RARB: variants seen among roughly 807,000 people sequenced by gnomAD.
RARB encodes the protein retinoic acid receptor beta, also known as HBV-activated protein.
RARB carries 17 observed loss-of-function variants against 51.9 expected under a neutral mutation model. That is an observed-to-expected ratio of 0.33 (90% CI 0.22 to 0.49). The LOEUF (loss-of-function observed/expected upper bound fraction) is 0.49. Ranked by LOEUF, RARB falls within the 20% of genes least tolerant of loss-of-function variation. The pLI is 0.99. For missense variants in RARB, 369 were observed against 550.8 expected (o/e 0.67, Z 3.30); for synonymous variants, 215 against 195.4 (o/e 1.10, Z -0.84).
intron 5 of RARB, among the ~76,000 whole-genome samples, chr3:25,361,802 C>T (rs766638671): frequency 5.3e-5 from 8 of 152,180 alleles, no homozygotes; most frequent in Non-Finnish European, 1.0e-4. Context: ...TGAGTATCAC[C>T]AGTGGAGGCT....
At chr3:25,398,099 T>C (rs952786699) in intron 5 of RARB, among the ~76,000 whole-genome samples, 1 of 152,168 alleles carries the variant, frequency 6.6e-6, no homozygotes, top group African/African-American at 2.4e-5. Flanking sequence ...TTATTCCATC[T>C]CAATTTATGT....
chr3:25,485,218 A>T (rs1575448659), intron 2 of RARB, among the ~76,000 whole-genome samples: 2 of 152,330 alleles, frequency 1.3e-5, no homozygotes, highest in Non-Finnish European at 2.9e-5. Context: ...CACCTTATAT[A>T]ACTCGTTTGG....
chr3:24,959,733 T>C (rs908385749), intron 2 of RARB, among the ~76,000 whole-genome samples: 7 of 152,108 alleles, frequency 4.6e-5, no homozygotes, highest in African/African-American at 1.7e-4. Flanking sequence ...GACAGTGTGA[T>C]CTTTCCTTGA....
At chr3:24,871,239 T>A (rs796381145) in intron 2 of RARB, among the ~76,000 whole-genome samples, 47 of 152,294 alleles carry the variant, frequency 3.1e-4, no homozygotes, top group African/African-American at 9.9e-4. Flanking sequence ...CTATTCCTAA[T>A]TTTCAGAGAA....
At chr3:24,969,873 G>A (rs768431692) in intron 2 of RARB, among the ~76,000 whole-genome samples, 60 of 152,018 alleles carry the variant, frequency 3.9e-4, no homozygotes, top group African/African-American at 1.0e-3. Context: ...TTCCTTCTCC[G>A]TCAAACTTTG....
chr3:25,247,076 T>A (rs1702580611), intron 5 of RARB, among the ~76,000 whole-genome samples: 1 of 152,214 alleles, frequency 6.6e-6, no homozygotes, highest in South Asian at 2.1e-4. Context: ...GGAGCTGCAG[T>A]GGGCTCCGCC....
intron 2 of RARB, among the ~76,000 whole-genome samples, chr3:25,029,058 C>T (rs4568084): frequency 0.66 from 99,813 of 152,028 alleles, 33,224 homozygotes; most frequent in East Asian, 0.87. Context: ...AGCTTACCCT[C>T]AGACAGGCTT....
At chr3:25,593,184 C>T (rs1701680890) in intron 5 of RARB, among the ~76,000 whole-genome samples, 1 of 150,356 alleles carries the variant, frequency 6.7e-6, no homozygotes, top group African/African-American at 2.5e-5. Context: ...TTTTTATCTC[C>T]AGCACCTGGC....
chr3:25,538,294 G>A (rs1159974858), intron 3 of RARB, among the ~76,000 whole-genome samples: 3 of 152,084 alleles, frequency 2.0e-5, no homozygotes, highest in Non-Finnish European at 2.9e-5. Flanking sequence ...CCCATAATTC[G>A]ACTCAGTTAT....
chr3:25,592,049 G>A (rs1053772287), intron 5 of RARB, among the ~76,000 whole-genome samples: 7 of 152,170 alleles, frequency 4.6e-5, no homozygotes, highest in African/African-American at 1.7e-4. Flanking sequence ...CAAACCCCCA[G>A]TGTTTCCCTG....
chr3:25,024,093 T>C (rs1697694317), intron 2 of RARB, among the ~76,000 whole-genome samples: 1 of 152,202 alleles, frequency 6.6e-6, no homozygotes, highest in Admixed American at 6.5e-5. Context: ...TCAGCCATAA[T>C]AACATGCTCT....
At chr3:25,304,507 T>C (rs1370540968) in intron 5 of RARB, among the ~76,000 whole-genome samples, 2 of 152,210 alleles carry the variant, frequency 1.3e-5, no homozygotes, top group Non-Finnish European at 2.9e-5. Context: ...TCATCGGCCT[T>C]GATCAATTCT....
At chr3:24,990,961 A>G (rs181202101) in intron 2 of RARB, among the ~76,000 whole-genome samples, 7 of 152,226 alleles carry the variant, frequency 4.6e-5, no homozygotes, top group Admixed American at 6.5e-5. Context: ...TAAATATTTC[A>G]TGGCTCTTGT....
intron 4 of RARB, among the ~76,000 whole-genome samples, chr3:25,171,950 G>A (rs1193926153): frequency 1.3e-5 from 2 of 152,076 alleles, no homozygotes; most frequent in African/African-American, 4.8e-5. Context: ...AGATGAAACC[G>A]ATTCAGAGGC....
At position 25,368,283 on chromosome 3, in the gene RARB, C is replaced by T. The variant is rs11716065; in HGVS notation, c.179-92910C>T. On this transcript the variant is annotated intron_variant, in intron 5 of 11. Transcript: ENST00000383772. ...ATATGAAGGTCTGGGAATTTCTAGA[C>T]TAGGCAATTGATATTTTTTCTCTTG... Among the ~76,000 whole-genome samples, 37 of 152,076 alleles carry T rather than the reference C, an allele frequency of 2.4e-4. No homozygotes were observed. In the East Asian group the frequency reaches 5.2e-3, roughly 21 times the overall value.
At chr3:24,923,304 T>G (rs1056138015) in intron 2 of RARB, among the ~76,000 whole-genome samples, 1 of 152,156 alleles carries the variant, frequency 6.6e-6, no homozygotes, top group Non-Finnish European at 1.5e-5. Flanking sequence ...TTTTCCCTCC[T>G]TTTAAAGCAT....
At chr3:24,931,742 TG>T (rs1695444797) in intron 2 of RARB, among the ~76,000 whole-genome samples, 1 of 152,102 alleles carries the variant, frequency 6.6e-6, no homozygotes, top group Admixed American at 6.6e-5. Flanking sequence ...GTCTATGATA[TG>T]AATGGTGTCC....
chr3:24,871,264 G>A (rs910704597), intron 2 of RARB, among the ~76,000 whole-genome samples: 1 of 152,052 alleles, frequency 6.6e-6, no homozygotes, highest in Non-Finnish European at 1.5e-5. Flanking sequence ...TATTTTAGTT[G>A]TTGATGTTAA....
intron 2 of RARB, among the ~76,000 whole-genome samples, chr3:24,970,527 T>A (rs1038929578): frequency 6.6e-6 from 1 of 151,470 alleles, no homozygotes; most frequent in Non-Finnish European, 1.5e-5. Flanking sequence ...CCGGAAAATG[T>A]ATCAGATCAA....
Sources: allele counts gnomAD v4.1 joint callset (sites outside exome capture counted in the v4.1 genomes callset), GRCh38; gene constraint gnomAD v4.1.1; transcripts MANE v1.5; gene names NCBI Gene and HGNC (gene_info 2026-07-23, HGNC 2026-07-21).